The following MARK3 variants were observed in gnomAD, a reference collection of about 807,000 sequenced individuals.
The protein encoded by MARK3 is microtubule affinity regulating kinase 3, also known as MAP/microtubule affinity-regulating kinase 3.
A neutral mutation model predicts 90.1 loss-of-function variants in MARK3; 46 were observed. The ratio of observed to expected loss-of-function variants is 0.51; its 90% CI spans 0.40 to 0.65. The LOEUF is 0.65. Among genes scored for constraint, MARK3 ranks in the 30% least tolerant of loss-of-function variants. MARK3 has a pLI of 0.00. For synonymous variants in MARK3, 321 were observed against 332.6 expected, an observed-to-expected ratio of 0.97 and a Z score of 0.38; for missense variants, 818 against 947.2, an observed-to-expected ratio of 0.86 and a Z score of 1.79.
In MARK3 at chr14:103,385,460, CG is replaced by C. The variant is rs2089716259; in HGVS notation, c.-568del. The C allele has an allele frequency of 6.5e-6, 1 of 154,672 alleles. No individual in the cohort carries two copies. The allele number at this position is 154,672 out of a possible 1,614,324, so 9.6% of individuals were successfully genotyped here. ...TGCCGGGGTGCGGCGGCGGCAGCGG[CG>C]GCCAGCAGGGCGGAGGCTGAGGCAG... On this transcript the variant is annotated 5_prime_UTR_variant, in exon 1 of 18. Coordinates refer to ENST00000429436, the MANE Select transcript of MARK3 (RefSeq NM_001128918.3).
chr14:103,448,528 T>C (rs986202623), intron 3 of MARK3, among the ~76,000 whole-genome samples: 1 of 152,226 alleles, frequency 6.6e-6, no homozygotes, highest in African/African-American at 2.4e-5. Flanking sequence ...TGTATTTCAC[T>C]GGAACCATAC....
At chr14:103,481,096 T>C (rs1223443204) in intron 14 of MARK3, among the ~76,000 whole-genome samples, 1 of 152,232 alleles carries the variant, frequency 6.6e-6, no homozygotes, top group Non-Finnish European at 1.5e-5. Context: ...CATCCTATCA[T>C]GCACATGATT....
intron 6 of MARK3, among the ~76,000 whole-genome samples, chr14:103,461,512 C>G (rs1379224241): frequency 6.6e-6 from 1 of 152,146 alleles, no homozygotes; most frequent in Non-Finnish European, 1.5e-5. Flanking sequence ...TTTCATAGTT[C>G]ACGTACGTCG....
chr14:103,493,608 T>C (rs933951456), intron 15 of MARK3, among the ~76,000 whole-genome samples: 1 of 152,026 alleles, frequency 6.6e-6, no homozygotes, highest in Non-Finnish European at 1.5e-5. Flanking sequence ...GCCGTGGTGG[T>C]TCATGCTTGT....
chr14:103,495,014 TATAAA>T (rs2075259988), intron 15 of MARK3, among the ~76,000 whole-genome samples: 1 of 152,240 alleles, frequency 6.6e-6, no homozygotes, highest in East Asian at 1.9e-4. Context: ...ATATTTTATG[TATAAA>T]ATGAGTATCA....
intron 2 of MARK3, among the ~76,000 whole-genome samples, chr14:103,416,236 T>A (rs1183719115): frequency 6.6e-6 from 1 of 152,152 alleles, no homozygotes; most frequent in African/African-American, 2.4e-5. Flanking sequence ...AATCGGTGAG[T>A]ATAAATTAGA....
intron 5 of MARK3, among the ~76,000 whole-genome samples, chr14:103,456,588 C>T (rs2093283241): frequency 6.6e-6 from 1 of 152,208 alleles, no homozygotes; most frequent in African/African-American, 2.4e-5. Flanking sequence ...CTCCACAGCA[C>T]TTACTGTCCT....
At chr14:103,479,175 C>A (rs945947684) in intron 13 of MARK3, among the ~76,000 whole-genome samples, 2 of 151,974 alleles carry the variant, frequency 1.3e-5, no homozygotes, top group Non-Finnish European at 2.9e-5. Context: ...CATGCATCAC[C>A]ATGCCTGGCT....
intron 14 of MARK3, among the ~76,000 whole-genome samples, chr14:103,482,964 A>G (rs1328885843): frequency 6.6e-6 from 1 of 152,140 alleles, no homozygotes; most frequent in Non-Finnish European, 1.5e-5. Flanking sequence ...GCCAAACCTT[A>G]AAAGACAGGG....
chr14:103,450,100 G>C (rs2093095884), intron 4 of MARK3, among the ~76,000 whole-genome samples: 1 of 151,904 alleles, frequency 6.6e-6, no homozygotes, highest in Admixed American at 6.6e-5. Context: ...ATACTACTAA[G>C]AGAAATGCTA....
At chr14:103,425,157 G>C (rs2092359024) in intron 2 of MARK3, among the ~76,000 whole-genome samples, 1 of 152,086 alleles carries the variant, frequency 6.6e-6, no homozygotes, top group Non-Finnish European at 1.5e-5. Context: ...GGCCAGGATG[G>C]TCTTTGTCTC....
At chr14:103,386,309 G>C in intron 1 of MARK3, 1 of 699,638 alleles carries the variant, frequency 1.4e-6, no homozygotes, top group Non-Finnish European at 2.6e-6. Flanking sequence ...CAGTCTAGTC[G>C]GTTAATAAAG....
intron 3 of MARK3, among the ~76,000 whole-genome samples, chr14:103,444,086 CTTTT>C (rs10676381): frequency 8.6e-5 from 10 of 116,364 alleles, no homozygotes; most frequent in Admixed American, 1.8e-4. Context: ...GTAAAATTGT[CTTTT>C]TTTTTTTTTT....
Position 103,480,411 on chromosome 14 carries a change from A to C in MARK3, c.1507A>C (p.Thr503Pro). The C allele has an allele frequency of 1.2e-6, 2 of 1,612,862 alleles. No homozygotes were observed. The highest frequency in any genetic ancestry group is 1.1e-5 in the South Asian group (1 of 90,968). Residue 503 changes from threonine to proline, a missense_variant, in exon 14 of 18, where the codon ACA (threonine) becomes CCA (proline). Physicochemically the swap from Thr to Pro is conservative, Grantham distance 38. Coordinates refer to ENST00000429436, the MANE Select transcript of MARK3 (RefSeq NM_001128918.3). ...GAGTAACACAGCATCTGGTGGAATGACACGACGAAATACTTATGTTTGCAG... is the reference window on the plus strand; with the variant it reads ...GAGTAACACAGCATCTGGTGGAATGCCACGACGAAATACTTATGTTTGCAG... ...PSSNTASGGM[T>P]RRNTYVCSER...
At chr14:103,486,802 A>G (rs1566930894) in intron 14 of MARK3, among the ~76,000 whole-genome samples, 1 of 152,162 alleles carries the variant, frequency 6.6e-6, no homozygotes, top group African/African-American at 2.4e-5. Context: ...AATCAGAAAA[A>G]TCGGAAATAT....
chr14:103,423,007 G>A (rs1310425969), intron 2 of MARK3, among the ~76,000 whole-genome samples: 1 of 152,056 alleles, frequency 6.6e-6, no homozygotes, highest in Non-Finnish European at 1.5e-5. Flanking sequence ...ACACCAGAAC[G>A]CTAGCTTTTT....
At chr14:103,426,231 A>G (rs1281422814) in intron 2 of MARK3, among the ~76,000 whole-genome samples, 1 of 151,128 alleles carries the variant, frequency 6.6e-6, no homozygotes, top group Non-Finnish European at 1.5e-5. Context: ...TTTGTGTTAT[A>G]ATGTGCTTAT....
At position 103,467,059 on chromosome 14, in the gene MARK3, G is replaced by T; in HGVS notation, c.998-20G>T. The T allele has an allele frequency of 3.8e-6, 4 of 1,056,318 alleles. No homozygotes were observed. Among genetic ancestry groups the T allele is most frequent in the Non-Finnish European group, 5.7e-6 (4 of 695,938 alleles). The allele number at this position is 1,056,318 out of a possible 1,614,324, so 65.4% of individuals were successfully genotyped here. A position where few individuals can be genotyped will look rare whatever the true frequency, so the allele number is the denominator to read the frequency against. On this transcript the variant is annotated intron_variant, in intron 10 of 17. Coordinates refer to ENST00000429436, the MANE Select transcript of MARK3 (RefSeq NM_001128918.3). Reference sequence around the variant, plus strand: ...CTTACCCAAACAAAACACATAAACTGTATTATGCCCTTCTTTTAGATATTA... The same window carrying T: ...CTTACCCAAACAAAACACATAAACTTTATTATGCCCTTCTTTTAGATATTA...
intron 13 of MARK3, among the ~76,000 whole-genome samples, chr14:103,475,564 G>T (rs1372694257): frequency 6.6e-6 from 1 of 152,224 alleles, no homozygotes; most frequent in Non-Finnish European, 1.5e-5. Context: ...ATGCCTTGGT[G>T]CTGGCATCCT....
Sources: allele counts gnomAD v4.1 joint callset (sites outside exome capture counted in the v4.1 genomes callset), GRCh38; gene constraint gnomAD v4.1.1; transcripts MANE v1.5; gene names NCBI Gene and HGNC (gene_info 2026-07-23, HGNC 2026-07-21).